IQCM: variants seen among roughly 807,000 people sequenced by gnomAD.
IQCM encodes the protein IQ motif containing M.
A neutral mutation model predicts 57.6 loss-of-function variants in IQCM; 45 were observed. That is an observed-to-expected ratio of 0.78 (90% CI 0.62 to 1.00). The LOEUF (loss-of-function observed/expected upper bound fraction) is 1.00. IQCM is among the 50% of genes least tolerant of loss of function. The pLI, the probability that IQCM is intolerant of heterozygous loss-of-function variation, is 0.00. For missense variants in IQCM, 468 were observed against 511.6 expected, an observed-to-expected ratio of 0.91 and a Z score of 0.82; for synonymous variants, 148 against 158.9, an observed-to-expected ratio of 0.93 and a Z score of 0.51.
intron 13 of IQCM, among the ~76,000 whole-genome samples, chr4:149,363,216 T>C (rs1258594921): frequency 1.3e-5 from 2 of 152,142 alleles, no homozygotes; most frequent in African/African-American, 4.8e-5. Flanking sequence ...CTTGACTCCT[T>C]GTGGAATCAC....
chr4:149,424,443 T>C (rs1443441555), intron 13 of IQCM, among the ~76,000 whole-genome samples: 1 of 151,834 alleles, frequency 6.6e-6, no homozygotes, highest in Non-Finnish European at 1.5e-5. Context: ...ATAATATTTT[T>C]AAGTCTCAAA....
rs1208432354 is a variant in IQCM at position 149,368,888 on chromosome 4, A to ATG, written c.1391-16824_1391-16823dup. Among the ~76,000 whole-genome samples, 10 of 60,660 alleles carry ATG rather than the reference A, an allele frequency of 1.6e-4. 2 individuals carry two copies. The highest frequency in any genetic ancestry group is 1.1e-3 in the South Asian group (3 of 2,628). 39.8% of individuals were successfully genotyped at this position (60,660 alleles called of 152,430 possible). A position where few individuals can be genotyped will look rare whatever the true frequency, so the allele number is the denominator to read the frequency against. On this transcript the variant is annotated intron_variant, in intron 13 of 13. Coordinates refer to ENST00000636793, the MANE Select transcript of IQCM (RefSeq NM_001363507.2). ...TATACATATATACACGTGTATATAT[A>ATG]TGTATATATATACACGTGTATATAT...
intron 7 of IQCM, among the ~76,000 whole-genome samples, chr4:149,665,903 G>T (rs930905818): frequency 6.6e-6 from 1 of 152,050 alleles, no homozygotes. Context: ...GACACTTCCT[G>T]CCCTCAAACA....
At chr4:149,802,263 T>C (rs1773672590) in intron 2 of IQCM, among the ~76,000 whole-genome samples, 1 of 151,758 alleles carries the variant, frequency 6.6e-6, no homozygotes, top group Non-Finnish European at 1.5e-5. Context: ...ATCTGACGAA[T>C]GTAAGCCCCT....
intron 13 of IQCM, among the ~76,000 whole-genome samples, chr4:149,390,079 G>A (rs1481379461): frequency 1.3e-5 from 2 of 151,948 alleles, no homozygotes; most frequent in Non-Finnish European, 2.9e-5. Context: ...TGGTGGCAAT[G>A]CTGATCTGTA....
At chr4:149,382,569 G>A (rs527844999) in intron 13 of IQCM, among the ~76,000 whole-genome samples, 1 of 151,992 alleles carries the variant, frequency 6.6e-6, no homozygotes, top group South Asian at 2.1e-4. Context: ...AGCAGAATAA[G>A]TACTTTCCCT....
At chr4:149,617,116 T>C (rs1464587960) in intron 8 of IQCM, among the ~76,000 whole-genome samples, 2 of 151,838 alleles carry the variant, frequency 1.3e-5, no homozygotes, top group African/African-American at 4.8e-5. Context: ...CCACCACTCC[T>C]GGCTAATTTT....
At chr4:149,718,808 T>G (rs1765207829) in intron 5 of IQCM, among the ~76,000 whole-genome samples, 1 of 152,298 alleles carries the variant, frequency 6.6e-6, no homozygotes, top group African/African-American at 2.4e-5. Flanking sequence ...TCCTCTTTTG[T>G]CTGTAATCTC....
intron 10 of IQCM, among the ~76,000 whole-genome samples, chr4:149,561,687 C>G (rs1750134693): frequency 6.6e-6 from 1 of 151,922 alleles, no homozygotes; most frequent in Non-Finnish European, 1.5e-5. Flanking sequence ...AATAGTAGAC[C>G]ATACATGCAT....
chr4:149,500,599 C>T (rs1043450143), intron 12 of IQCM, among the ~76,000 whole-genome samples: 1 of 152,054 alleles, frequency 6.6e-6, no homozygotes, highest in African/African-American at 2.4e-5. Flanking sequence ...AGTGTCTCAT[C>T]CCTTTTATTT....
At chr4:149,415,424 T>C (rs1047143077) in intron 13 of IQCM, among the ~76,000 whole-genome samples, 2 of 152,180 alleles carry the variant, frequency 1.3e-5, no homozygotes, top group African/African-American at 4.8e-5. Flanking sequence ...CTCGGTATTA[T>C]GGAAATGATC....
At chr4:149,409,968 G>A (rs533724709) in intron 13 of IQCM, among the ~76,000 whole-genome samples, 2 of 152,268 alleles carry the variant, frequency 1.3e-5, no homozygotes, top group South Asian at 4.1e-4. Context: ...GGTGGATCAC[G>A]AGATCAGGAG....
intron 12 of IQCM, among the ~76,000 whole-genome samples, chr4:149,501,579 G>C (rs1213907779): frequency 6.6e-6 from 1 of 152,136 alleles, no homozygotes; most frequent in African/African-American, 2.4e-5. Flanking sequence ...TCAACCATGA[G>C]AGGGTCCACC....
At chr4:149,662,559 T>G (rs1407602458) in intron 7 of IQCM, among the ~76,000 whole-genome samples, 1 of 152,058 alleles carries the variant, frequency 6.6e-6, no homozygotes, top group Non-Finnish European at 1.5e-5. Flanking sequence ...TCACTTTAGA[T>G]GTAATAATAT....
intron 12 of IQCM, among the ~76,000 whole-genome samples, chr4:149,538,952 C>T (rs570453987): frequency 8.5e-4 from 129 of 151,810 alleles, no homozygotes; most frequent in African/African-American, 2.0e-3. Flanking sequence ...AATAGAAAGA[C>T]GTTAATAATT....
At chr4:149,409,167 G>T (rs1733195230) in intron 13 of IQCM, among the ~76,000 whole-genome samples, 1 of 152,196 alleles carries the variant, frequency 6.6e-6, no homozygotes, top group African/African-American at 2.4e-5. Flanking sequence ...TGAGTGAGAA[G>T]CCAGATCAGA....
chr4:149,357,384 T>C (rs1488721430), intron 13 of IQCM, among the ~76,000 whole-genome samples: 1 of 152,200 alleles, frequency 6.6e-6, no homozygotes, highest in African/African-American at 2.4e-5. Context: ...TGTGGGTTTG[T>C]CATTGATAGC....
Position 149,713,458 on chromosome 4 carries a change from C to T in IQCM, c.385+19786G>A, listed in dbSNP as rs187485267. Among the ~76,000 whole-genome samples the T allele has an allele frequency of 5.1e-3, 773 of 152,288 alleles. 6 individuals carry two copies. Among genetic ancestry groups the T allele is most frequent in the Middle Eastern group, 0.014 (4 of 294 alleles). On this transcript the variant is annotated intron_variant, in intron 5 of 13. Transcript: ENST00000636793. ...ATTAATGTGATGGGAGAAAACAAAA[C>T]CATGACTGGTCTCATATAACACTAA...
chr4:149,586,932 T>C (rs1223765270), intron 9 of IQCM, among the ~76,000 whole-genome samples: 3 of 151,760 alleles, frequency 2.0e-5, no homozygotes, highest in Non-Finnish European at 4.4e-5. Flanking sequence ...TTGAAAACTA[T>C]GCAAGCTGTT....
Sources: allele counts gnomAD v4.1 joint callset (sites outside exome capture counted in the v4.1 genomes callset), GRCh38; gene constraint gnomAD v4.1.1; transcripts MANE v1.5; gene names NCBI Gene and HGNC (gene_info 2026-07-23, HGNC 2026-07-21).